FAM171B: variants seen among roughly 807,000 people sequenced by gnomAD.
The protein encoded by FAM171B is family with sequence similarity 171 member B, also known as protein FAM171B.
FAM171B carries 19 observed loss-of-function variants against 75.6 expected under a neutral mutation model. The ratio of observed to expected loss-of-function variants is 0.25; its 90% CI spans 0.18 to 0.37. FAM171B has a LOEUF of 0.37. Among genes scored for constraint, FAM171B ranks in the 10% least tolerant of loss-of-function variants. FAM171B has a pLI of 1.00. For missense variants in FAM171B, 848 were observed against 982.4 expected, an observed-to-expected ratio of 0.86 and a Z score of 1.83; for synonymous variants, 367 against 361.7, an observed-to-expected ratio of 1.01 and a Z score of -0.17.
At chr2:186,743,626 A>G (rs1241370035) in intron 3 of FAM171B, 51 bp downstream of exon 3, 15 of 1,211,872 alleles carry the variant, frequency 1.2e-5, no homozygotes, top group Non-Finnish European at 1.8e-5. Flanking sequence ...TTGTCGTATA[A>G]CTGTACTTCT....
At position 186,747,086 on chromosome 2, in the gene FAM171B, T is replaced by C. The variant is rs764884982; in HGVS notation, c.566-6T>C. ...CTCTTTGTTAATGAGGTTTCCTTTT[T>C]TCCAGATGCCAAGTCTCAACCAAGT... On this transcript the variant is annotated splice_polypyrimidine_tract_variant and splice_region_variant and intron_variant, in intron 3 of 7. Coordinates refer to ENST00000304698, the MANE Select transcript of FAM171B (RefSeq NM_177454.4). 4 of 1,567,784 alleles carry C rather than the reference T, an allele frequency of 2.6e-6. No homozygotes were observed. The highest frequency in any genetic ancestry group is 1.2e-5 in the South Asian group (1 of 81,690).
intron 1 of FAM171B, among the ~76,000 whole-genome samples, chr2:186,729,698 T>C (rs1690085867): frequency 6.6e-6 from 1 of 152,162 alleles, no homozygotes; most frequent in Non-Finnish European, 1.5e-5. Flanking sequence ...AAATGCTGCT[T>C]TTGCTGTGGC....
intron 1 of FAM171B, among the ~76,000 whole-genome samples, chr2:186,714,162 T>G (rs1257271489): frequency 6.6e-6 from 1 of 152,036 alleles, no homozygotes; most frequent in Non-Finnish European, 1.5e-5. Context: ...AGTAGTAAAT[T>G]ATGTTTGTCT....
chr2:186,726,801 A>C (rs1363115855), intron 1 of FAM171B, among the ~76,000 whole-genome samples: 1 of 152,198 alleles, frequency 6.6e-6, no homozygotes. Context: ...TTAATTTGTG[A>C]AAGGAAGAGG....
chr2:186,708,548 G>A (rs1410342734), intron 1 of FAM171B, among the ~76,000 whole-genome samples: 1 of 152,158 alleles, frequency 6.6e-6, no homozygotes, highest in Admixed American at 6.5e-5. Flanking sequence ...GTGGAAACAG[G>A]TATGGGGGAA....
intron 4 of FAM171B, among the ~76,000 whole-genome samples, chr2:186,748,232 A>C (rs1037190446): frequency 6.6e-6 from 1 of 151,584 alleles, no homozygotes; most frequent in Non-Finnish European, 1.5e-5. Flanking sequence ...CTGTTCTACC[A>C]TTTTTACCAC....
At chr2:186,729,220 T>C (rs1282496489) in intron 1 of FAM171B, among the ~76,000 whole-genome samples, 5 of 152,162 alleles carry the variant, frequency 3.3e-5, no homozygotes, top group Non-Finnish European at 7.4e-5. Context: ...TGCAGTTGAA[T>C]CATTTAATAC....
chr2:186,764,047 A>G lies in FAM171B; in HGVS notation c.*1224A>G, dbSNP rs571889648. 2 of 152,220 alleles carry G rather than the reference A, an allele frequency of 1.3e-5. No homozygotes were observed. The highest frequency in any genetic ancestry group is 4.8e-5 in the African/African-American group (2 of 41,574). 9.4% of individuals were successfully genotyped at this position (152,220 alleles called of 1,614,324 possible). On this transcript the variant is annotated 3_prime_UTR_variant, in exon 8 of 8. Transcript: ENST00000304698. ...TTATAGCAAGCATTCAATGTGAACA[A>G]CTTTTTAATTAACTCTGAATTACCA...
chr2:186,723,139 A>G (rs922954894), intron 1 of FAM171B, among the ~76,000 whole-genome samples: 1 of 152,218 alleles, frequency 6.6e-6, no homozygotes, highest in African/African-American at 2.4e-5. Context: ...TCTGTATCCA[A>G]TTCAAGTAAT....
In FAM171B at chr2:186,763,996, T is replaced by TAAGTA. The variant is rs1181083173; in HGVS notation, c.*1175_*1179dup. Reference sequence around the variant, plus strand: ...TTTGCAACTTCTTTTTTCAGTTTTGTAAGTAATATATCTATGTTCTTTTCA... The same window carrying TAAGTA: ...TTTGCAACTTCTTTTTTCAGTTTTGTAAGTAAAGTAATATATCTATGTTCTTTTCA... On this transcript the variant is annotated 3_prime_UTR_variant, in exon 8 of 8. Coordinates refer to ENST00000304698, the MANE Select transcript of FAM171B (RefSeq NM_177454.4). 1 of 152,116 alleles carries TAAGTA rather than the reference T, an allele frequency of 6.6e-6. No homozygotes were observed. The highest frequency in any genetic ancestry group is 2.4e-5 in the African/African-American group (1 of 41,456). 9.4% of individuals were successfully genotyped at this position (152,116 alleles called of 1,614,324 possible).
chr2:186,699,286 T>G (rs1288418650), intron 1 of FAM171B, among the ~76,000 whole-genome samples: 1 of 152,132 alleles, frequency 6.6e-6, no homozygotes, highest in African/African-American at 2.4e-5. Flanking sequence ...CTCATCAGCA[T>G]TTCTTATTGC....
At chr2:186,718,605 T>G (rs1335853413) in intron 1 of FAM171B, among the ~76,000 whole-genome samples, 1 of 152,152 alleles carries the variant, frequency 6.6e-6, no homozygotes. Context: ...TTAATTCAGG[T>G]TGAAATTGGG....
intron 3 of FAM171B, among the ~76,000 whole-genome samples, chr2:186,744,661 G>T (rs1690340834): frequency 6.6e-6 from 1 of 151,902 alleles, no homozygotes; most frequent in African/African-American, 2.4e-5. Flanking sequence ...CCAAGTAGCT[G>T]GGATTAAAGG....
chr2:186,716,654 T>C (rs1253698198), intron 1 of FAM171B, among the ~76,000 whole-genome samples: 1 of 152,194 alleles, frequency 6.6e-6, no homozygotes, highest in Non-Finnish European at 1.5e-5. Context: ...TTAGTAGGTA[T>C]GTCGTTTTAG....
At chr2:186,706,483 G>A (rs1181413705) in intron 1 of FAM171B, among the ~76,000 whole-genome samples, 1 of 152,220 alleles carries the variant, frequency 6.6e-6, no homozygotes, top group Non-Finnish European at 1.5e-5. Context: ...TGTACTTTGA[G>A]CACTAGCTCT....
intron 2 of FAM171B, 76 bp from the exon 3 acceptor site, chr2:186,743,407 G>A: frequency 1.0e-6 from 1 of 974,324 alleles, no homozygotes; most frequent in Non-Finnish European, 1.6e-6. Context: ...GAGACTTGCT[G>A]TTACAGAACT....
At chr2:186,734,267 G>T (rs1289127729) in intron 1 of FAM171B, among the ~76,000 whole-genome samples, 1 of 152,052 alleles carries the variant, frequency 6.6e-6, no homozygotes, top group African/African-American at 2.4e-5. Flanking sequence ...CTATCCAGAG[G>T]CAGGTTGTCT....
intron 1 of FAM171B, among the ~76,000 whole-genome samples, chr2:186,732,403 G>A (rs540745457): frequency 2.6e-5 from 4 of 152,150 alleles, no homozygotes; most frequent in African/African-American, 7.2e-5. Flanking sequence ...GGAGTCCTTC[G>A]TGGTGTTGGC....
chr2:186,711,920 C>G (rs557108114), intron 1 of FAM171B, among the ~76,000 whole-genome samples: 1 of 152,152 alleles, frequency 6.6e-6, no homozygotes, highest in South Asian at 2.1e-4. Flanking sequence ...TTTGGTGAGT[C>G]AATATTTGAT....
Sources: allele counts gnomAD v4.1 joint callset (sites outside exome capture counted in the v4.1 genomes callset), GRCh38; gene constraint gnomAD v4.1.1; transcripts MANE v1.5; gene names NCBI Gene and HGNC (gene_info 2026-07-23, HGNC 2026-07-21).